ZBTB11: variants seen among roughly 807,000 people sequenced by gnomAD.
ZBTB11 encodes the protein zinc finger and BTB domain-containing protein 11.
A neutral mutation model predicts 113.1 loss-of-function variants in ZBTB11; 68 were observed. That is an observed-to-expected ratio of 0.60 (90% CI 0.49 to 0.74). ZBTB11 has a LOEUF of 0.74. Among genes scored for constraint, ZBTB11 ranks in the 30% least tolerant of loss-of-function variants. ZBTB11 has a pLI of 0.00. For missense variants in ZBTB11, 1,104 were observed against 1,279.4 expected (o/e 0.86, Z 2.09); for synonymous variants, 518 against 452.6 (o/e 1.14, Z -1.83).
At chr3:101,661,786 TCTATC>T (rs1311575070) in intron 5 of ZBTB11, among the ~76,000 whole-genome samples, 1 of 152,228 alleles carries the variant, frequency 6.6e-6, no homozygotes, top group African/African-American at 2.4e-5. Context: ...CACAGAAACT[TCTATC>T]CTTAAGTTCT....
chr3:101,653,102 T>C (rs1198004373), intron 8 of ZBTB11, among the ~76,000 whole-genome samples, 164 bp from the exon 9 acceptor site: 1 of 152,184 alleles, frequency 6.6e-6, no homozygotes, highest in Non-Finnish European at 1.5e-5. Context: ...GGGTTTTAGG[T>C]TCTTTTCATC....
rs1239762391 is a variant in ZBTB11, at chr3:101,673,855, G to A, written c.311-1642C>T. ...CTTTCAATCTTCAAATAGTATTCAAGCAATATTTTCCAAATTGTATTATGT... is the reference window on the plus strand; with the variant it reads ...CTTTCAATCTTCAAATAGTATTCAAACAATATTTTCCAAATTGTATTATGT... On this transcript the variant is annotated intron_variant, in intron 1 of 10. Coordinates refer to ENST00000312938, the MANE Select transcript of ZBTB11 (RefSeq NM_014415.4). 2.1e-4 allele frequency among the ~76,000 whole-genome samples: 32 copies of A among 152,082 alleles called. 1 individual carries two copies. Among genetic ancestry groups the A allele is most frequent in the Admixed American group, 2.1e-3 (32 of 15,260 alleles).
At chr3:101,653,257 T>C (rs903215819) in intron 8 of ZBTB11, among the ~76,000 whole-genome samples, 2 of 152,204 alleles carry the variant, frequency 1.3e-5, no homozygotes, top group African/African-American at 4.8e-5. Flanking sequence ...GTGTTGAGGG[T>C]AGACTTTACC....
Position 101,671,203 on chromosome 3 carries a change from A to G in ZBTB11, c.705T>C (p.Asn235=). The stretch of plus-strand genomic sequence containing the variant: ...TAAAAAGATCTCGAAAATACTCGCT[A>G]TTTGCTGACAAAACAGATTTATGAG... The part of the protein sequence containing the change: ...YKAHKSVLSA[N]SEYFRDLFIE... The change falls in exon 3 of 11, where the codon AAT becomes AAC. Residue 235 remains asparagine, a synonymous_variant. Coordinates refer to ENST00000312938, the MANE Select transcript of ZBTB11 (RefSeq NM_014415.4). The G allele has an allele frequency of 6.2e-7, 1 of 1,614,188 alleles. No individual in the cohort carries two copies. The highest frequency in any genetic ancestry group is 8.5e-7 in the Non-Finnish European group (1 of 1,180,018).
chr3:101,668,772 T>C (rs1240703333), intron 3 of ZBTB11, among the ~76,000 whole-genome samples: 1 of 152,176 alleles, frequency 6.6e-6, no homozygotes, highest in Non-Finnish European at 1.5e-5. Context: ...ACCATAAATA[T>C]GTACAACTAT....
rs143471049 is a variant in ZBTB11, at chr3:101,665,828, G to A, written c.779-20C>T. The A allele has an allele frequency of 2.2e-4, 347 of 1,546,340 alleles. 1 individual carries two copies. In the African/African-American group the frequency reaches 4.2e-3, roughly 19 times the overall value. On this transcript the variant is annotated intron_variant, in intron 3 of 10. Coordinates refer to ENST00000312938, the MANE Select transcript of ZBTB11 (RefSeq NM_014415.4). ...AAAAACCTGTATGAATACAAAGAAG[G>A]TAAAGACAAAAAAGTCAATTATCAA...
intron 5 of ZBTB11, among the ~76,000 whole-genome samples, chr3:101,661,233 C>CAAAAAA (rs36039635): frequency 9.3e-6 from 1 of 107,242 alleles, no homozygotes; most frequent in African/African-American, 3.2e-5. Context: ...GACCCTGTCT[C>CAAAAAA]AAAAAAAAAA....
chr3:101,655,787 A>G (rs1936785006), intron 7 of ZBTB11: 1 of 153,326 alleles, frequency 6.5e-6, no homozygotes, highest in African/African-American at 2.4e-5. Flanking sequence ...CAGCCTCCCG[A>G]GCAGCTAGGA....
chr3:101,649,514 T>TA lies in ZBTB11; in HGVS notation c.*1651dup, dbSNP rs1491001493. On this transcript the variant is annotated 3_prime_UTR_variant, in exon 11 of 11. Coordinates refer to ENST00000312938, the MANE Select transcript of ZBTB11 (RefSeq NM_014415.4). ...TACATTAATGGTCATACACAATTTTTAAACTAAATCTAGTAACAACAGAGG... is the reference window on the plus strand; with the variant it reads ...TACATTAATGGTCATACACAATTTTTAAAACTAAATCTAGTAACAACAGAGG... 1.3e-5 allele frequency: 2 copies of TA among 152,182 alleles called. No homozygotes were observed. The highest frequency in any genetic ancestry group is 4.8e-5 in the African/African-American group (2 of 41,464). The allele number at this position is 152,182 out of a possible 1,614,324, so 9.4% of individuals were successfully genotyped here. A position where few individuals can be genotyped will look rare whatever the true frequency, so the allele number is the denominator to read the frequency against.
chr3:101,665,253 TTC>T lies in ZBTB11; in HGVS notation c.1332_1333del (p.Asn445CysfsTer3). The T allele has an allele frequency of 6.2e-7, 1 of 1,614,216 alleles. No homozygotes were observed. The highest frequency in any genetic ancestry group is 8.5e-7 in the Non-Finnish European group (1 of 1,180,018). ...ATCCTCTGGCGAGCTACTAATTACA[TTC>T]TCTTTTGAAAGTTTAGGGTGTATAT... On this transcript the variant is annotated frameshift_variant, in exon 4 of 11. Transcript: ENST00000312938. LOFTEE classifies it high-confidence loss of function.
At position 101,665,172 on chromosome 3, in the gene ZBTB11, T is replaced by G; in HGVS notation, c.1415A>C (p.Lys472Thr). 1 of 1,614,180 alleles carries G rather than the reference T, an allele frequency of 6.2e-7. No individual in the cohort carries two copies. The highest frequency in any genetic ancestry group is 8.5e-7 in the Non-Finnish European group (1 of 1,180,028). Residue 472 changes from lysine to threonine, a missense_variant, in exon 4 of 11, where the codon AAA (lysine) becomes ACA (threonine). This residue lies in a region of ZBTB11 where 535 missense variants were observed against 518.6 expected (regional missense o/e 1.03). Transcript: ENST00000312938. ...AGGTTGGTCAACTTTCTGCCTATGTTTTGGAATGTCTTCGGCACAAATATC... is the reference window on the plus strand; with the variant it reads ...AGGTTGGTCAACTTTCTGCCTATGTGTTGGAATGTCTTCGGCACAAATATC... ...AEDICAEDIP[K>T]HRQKVDQPLK... is the part of the protein sequence containing the mutation.
chr3:101,656,159 A>G lies in ZBTB11; in HGVS notation c.2136T>C (p.Cys712=). The G allele has an allele frequency of 6.3e-7, 1 of 1,599,542 alleles. No homozygotes were observed. The highest frequency in any genetic ancestry group is 8.5e-7 in the Non-Finnish European group (1 of 1,173,756). ...QSQKQFQCEL[C]VKSFVTKRSL... is the part of the protein sequence containing the mutation. ...TCCGTTTGGTAACAAATGACTTAAC[A>G]CACAGTTCACACTGGAACTGCTTCT... Residue 712 remains cysteine (C), a synonymous_variant, in exon 7 of 11, where the codon TGT becomes TGC. Transcript: ENST00000312938.
chr3:101,659,838 T>C lies in ZBTB11; in HGVS notation c.1991A>G (p.Tyr664Cys). 4 of 1,614,190 alleles carry C rather than the reference T, an allele frequency of 2.5e-6. No homozygotes were observed. Among genetic ancestry groups the C allele is most frequent in the Non-Finnish European group, 2.5e-6 (3 of 1,180,002 alleles). ...CTTTAACATATGTATTCGGAGAGAATATAATTTAGGTAATGTTCTTCCACA... is the reference window on the plus strand; with the variant it reads ...CTTTAACATATGTATTCGGAGAGAACATAATTTAGGTAATGTTCTTCCACA... ...SICGRTLPKLYSLRIHMLKHT... is the reference protein window; with the variant it reads ...SICGRTLPKLCSLRIHMLKHT... Residue 664 changes from tyrosine (Y) to cysteine (C), a missense_variant, in exon 6 of 11, where the codon TAT becomes TGT. Around this residue, in one of 5 missense-constraint regions of ZBTB11, gnomAD observed 535 missense variants for 518.6 expected, o/e 1.03. Coordinates refer to ENST00000312938, the MANE Select transcript of ZBTB11 (RefSeq NM_014415.4).
At chr3:101,669,254 G>A (rs1049626877) in intron 3 of ZBTB11, among the ~76,000 whole-genome samples, 1 of 152,192 alleles carries the variant, frequency 6.6e-6, no homozygotes, top group Non-Finnish European at 1.5e-5. Flanking sequence ...GGATGGTCTC[G>A]AACTTCTGAG....
At chr3:101,661,503 A>C (rs891240584) in intron 5 of ZBTB11, among the ~76,000 whole-genome samples, 2 of 152,190 alleles carry the variant, frequency 1.3e-5, no homozygotes, top group Non-Finnish European at 2.9e-5. Flanking sequence ...AAATAATTAA[A>C]AGTTTGACTG....
intron 1 of ZBTB11, chr3:101,676,332 C>A (rs969687974): frequency 2.9e-6 from 1 of 343,118 alleles, no homozygotes; most frequent in Non-Finnish European, 5.3e-6. Context: ...GCAGCCCAGG[C>A]GTCCGGCCCC....
rs781553739 is a variant in ZBTB11, at chr3:101,664,721, A to C, written c.1624-7T>G. On this transcript the variant is annotated splice_polypyrimidine_tract_variant and splice_region_variant and intron_variant, in intron 4 of 10. Coordinates refer to ENST00000312938, the MANE Select transcript of ZBTB11 (RefSeq NM_014415.4). ...GAACTAACTTCTGAGCCACCTAGTA[A>C]GGGATAGAAATCACAATCTAAGTAA... 1.9e-6 allele frequency: 3 copies of C among 1,575,682 alleles called. No individual in the cohort carries two copies. Among genetic ancestry groups the C allele is most frequent in the Admixed American group, 2.1e-5 (1 of 48,622 alleles).
intron 1 of ZBTB11, among the ~76,000 whole-genome samples, chr3:101,674,188 C>A (rs1434018910): frequency 3.3e-5 from 5 of 151,886 alleles, no homozygotes; most frequent in Non-Finnish European, 7.4e-5. Context: ...TGGAGGCACG[C>A]GCCTGTAGTC....
rs531339041 is a variant in ZBTB11 at position 101,649,732 on chromosome 3, C to T, written c.*1434G>A. The T allele has an allele frequency of 6.6e-6, 1 of 152,628 alleles. No homozygotes were observed. Among genetic ancestry groups the T allele is most frequent in the Non-Finnish European group, 1.5e-5 (1 of 68,018 alleles). 9.5% of individuals were successfully genotyped at this position (152,628 alleles called of 1,614,324 possible). A position where few individuals can be genotyped will look rare whatever the true frequency, so the allele number is the denominator to read the frequency against. Reference sequence around the variant, plus strand: ...CAAATGCAAATATATAATGCATGCACAGCTATCACATTTATTCTTTATCCT... The same window carrying T: ...CAAATGCAAATATATAATGCATGCATAGCTATCACATTTATTCTTTATCCT... On this transcript the variant is annotated 3_prime_UTR_variant, in exon 11 of 11. Transcript: ENST00000312938.
Sources: gnomAD v4.1 joint callset for allele counts (sites outside exome capture counted in the v4.1 genomes callset) on GRCh38, gnomAD v4.1.1 for gene constraint, gnomAD v4.1.1 regional missense constraint, MANE v1.5 for transcripts, NCBI Gene and HGNC (gene_info 2026-07-23, HGNC 2026-07-21) for gene names.